The following HECTD4 variants were observed in gnomAD, a reference collection of about 807,000 sequenced individuals.
HECTD4 encodes the protein probable E3 ubiquitin-protein ligase HECTD4.
A neutral mutation model predicts 471.5 loss-of-function variants in HECTD4; 114 were observed. That is an observed-to-expected ratio of 0.24 (90% confidence interval 0.21 to 0.28). The LOEUF (loss-of-function observed/expected upper bound fraction) is 0.28. HECTD4 is among the 10% of genes least tolerant of loss of function. The pLI, the probability that HECTD4 is intolerant of heterozygous loss-of-function variation, is 1.00. For synonymous variants in HECTD4, 2,012 were observed against 2,256.0 expected (o/e 0.89, Z 3.07); for missense variants, 3,866 against 5,651.5 (o/e 0.68, Z 10.13).
In HECTD4 at chr12:112,162,622, T is replaced by TAGC; in HGVS notation, c.13121-102_13121-100dup. ...CTGCTTCCAGGTTTGCCTCCTTGGGTAGCCCCAAGCCAATCCTGGGGCCCA... is the reference window on the plus strand; with the variant it reads ...CTGCTTCCAGGTTTGCCTCCTTGGGTAGCAGCCCCAAGCCAATCCTGGGGCCCA... On this transcript the variant is annotated intron_variant, in intron 75 of 75. Coordinates refer to ENST00000682272, the MANE Select transcript of HECTD4 (RefSeq NM_001388303.1). The surrounding 1 kb of genome is among the most constrained non-coding windows in gnomAD (Gnocchi z 5.2). 2.1e-6 allele frequency: 3 copies of TAGC among 1,456,686 alleles called. No homozygotes were observed. The highest frequency in any genetic ancestry group is 2.8e-6 in the Non-Finnish European group (3 of 1,060,252). 90.2% of individuals were successfully genotyped at this position (1,456,686 alleles called of 1,614,324 possible).
chr12:112,235,132 A>T lies in HECTD4; in HGVS notation c.5860T>A (p.Phe1954Ile), dbSNP rs755586992. The change falls in exon 37 of 76, where the codon TTT becomes ATT. Residue 1954 changes from phenylalanine to isoleucine, a missense_variant. By Grantham distance (21) the Phe-to-Ile change is conservative (BLOSUM62 0). Transcript: ENST00000682272. This position sits in a 1 kb window ranked among gnomAD's most constrained non-coding sequence, Gnocchi z 5.0. The stretch of plus-strand genomic sequence containing the variant: ...GACTGGTCTTCCCGCTTGTGGATAA[A>T]TATCGAGAGCTTGCCATCCACAGCC... Reference protein sequence around the residue: ...SEAVDGKLSIFIHKREDQSSH... With the variant: ...SEAVDGKLSIIIHKREDQSSH... The T allele has an allele frequency of 6.2e-7, 1 of 1,609,730 alleles. No homozygotes were observed. Among genetic ancestry groups the T allele is most frequent in the South Asian group, 1.1e-5 (1 of 90,330 alleles).
At position 112,188,132 on chromosome 12, in the gene HECTD4, C is replaced by CA. The variant is rs915031885; in HGVS notation, c.9473-2640dup. On this transcript the variant is annotated intron_variant, in intron 60 of 75. Coordinates refer to ENST00000682272, the MANE Select transcript of HECTD4 (RefSeq NM_001388303.1). This position sits in a 1 kb window ranked among gnomAD's most constrained non-coding sequence, Gnocchi z 4.2. ...TGAAATCCTGTTTCTACTAAAAATA[C>CA]AAAAAAATTAGCTGGGCATGGTAGC... Among the ~76,000 whole-genome samples, 4 of 151,660 alleles carry CA rather than the reference C, an allele frequency of 2.6e-5. No individual in the cohort carries two copies. The highest frequency in any genetic ancestry group is 6.6e-5 in the Admixed American group (1 of 15,210).
Position 112,329,978 on chromosome 12 carries a change from C to A in HECTD4, c.178-10236G>T, listed in dbSNP as rs375572493. On this transcript the variant is annotated intron_variant, in intron 1 of 75. Coordinates refer to ENST00000682272, the MANE Select transcript of HECTD4 (RefSeq NM_001388303.1). ...TTTAATAAAAATATTTTTTAAAAATCAAAAATTTGGAGGACTAGCCGGGCG... is the reference window on the plus strand; with the variant it reads ...TTTAATAAAAATATTTTTTAAAAATAAAAAATTTGGAGGACTAGCCGGGCG... Among the ~76,000 whole-genome samples the A allele has an allele frequency of 7.9e-4, 119 of 151,578 alleles. 1 individual carries two copies. Among genetic ancestry groups the A allele is most frequent in the Non-Finnish European group, 1.4e-3 (96 of 67,910 alleles).
At chr12:112,169,771 C>T in intron 69 of HECTD4, 113 bp from the exon 70 acceptor site, 2 of 1,210,594 alleles carry the variant, frequency 1.7e-6, no homozygotes, top group Non-Finnish European at 2.4e-6. Flanking sequence ...ACCCCTGCTC[C>T]CTCGCTCGGC....
Position 112,248,446 on chromosome 12 carries a change from C to A in HECTD4, c.4017G>T (p.Leu1339Phe). The change falls in exon 26 of 76, where the codon TTG becomes TTT. Residue 1339 changes from leucine to phenylalanine, a missense_variant. By Grantham distance (22) the Leu-to-Phe change is conservative. This residue lies in a region of HECTD4 where 281 missense variants were observed against 499.9 expected (regional missense o/e 0.56). Transcript: ENST00000682272. The part of the protein sequence containing the change: ...VVSCVIKHLN[L>F]VDALQSLINF... ...TTATTAGAGACTGCAGTGCATCAAC[C>A]AAGTTCAAGTGCTTAATAACACAAG... The A allele has an allele frequency of 6.2e-7, 1 of 1,612,390 alleles. No homozygotes were observed. Among genetic ancestry groups the A allele is most frequent in the Non-Finnish European group, 8.5e-7 (1 of 1,179,074 alleles).
At chr12:112,254,607 C>A (rs946211255) in intron 21 of HECTD4, among the ~76,000 whole-genome samples, 2 of 151,584 alleles carry the variant, frequency 1.3e-5, no homozygotes, top group Non-Finnish European at 2.9e-5. Flanking sequence ...ATATCTAACA[C>A]AACAACAAAA....
At chr12:112,317,352 C>T (rs2035499800) in intron 2 of HECTD4, among the ~76,000 whole-genome samples, 2 of 152,052 alleles carry the variant, frequency 1.3e-5, no homozygotes, top group South Asian at 4.1e-4. Flanking sequence ...TGCCATTTTG[C>T]CTTAAAAAAA....
intron 1 of HECTD4, among the ~76,000 whole-genome samples, chr12:112,352,302 C>G (rs571254562): frequency 1.3e-5 from 2 of 150,842 alleles, no homozygotes; most frequent in South Asian, 4.2e-4. Context: ...TCATCCCAGT[C>G]TGGTTACCTT....
At chr12:112,380,771 C>T (rs1200530577) in intron 1 of HECTD4, among the ~76,000 whole-genome samples, 2 of 152,144 alleles carry the variant, frequency 1.3e-5, no homozygotes, top group African/African-American at 2.4e-5. Flanking sequence ...GGAACGTATT[C>T]GCATCTCAAG....
chr12:112,245,809 T>C (rs145900874), intron 29 of HECTD4, among the ~76,000 whole-genome samples: 13 of 152,358 alleles, frequency 8.5e-5, no homozygotes, highest in Non-Finnish European at 1.9e-4. Flanking sequence ...ATGATTTTCC[T>C]GAGAGATGCA....
chr12:112,180,177 G>A (rs919280549), intron 62 of HECTD4, among the ~76,000 whole-genome samples: 1 of 152,242 alleles, frequency 6.6e-6, no homozygotes, highest in Non-Finnish European at 1.5e-5. Context: ...GCATATCTGG[G>A]CTGAGGGTGG....
chr12:112,375,461 T>C (rs1382188943), intron 1 of HECTD4, among the ~76,000 whole-genome samples: 1 of 152,142 alleles, frequency 6.6e-6, no homozygotes. Flanking sequence ...AAATTTAAAA[T>C]GAACTTCAAC....
At chr12:112,210,833 A>G (rs928992806) in intron 49 of HECTD4, among the ~76,000 whole-genome samples, 10 of 152,264 alleles carry the variant, frequency 6.6e-5, no homozygotes, top group Admixed American at 3.3e-4. Flanking sequence ...GACAGAGATC[A>G]TATCTGTTTT....
chr12:112,378,641 AAAACTCTGTG>A (rs1339125449), intron 1 of HECTD4, among the ~76,000 whole-genome samples: 1 of 152,190 alleles, frequency 6.6e-6, no homozygotes, highest in Admixed American at 6.6e-5. Flanking sequence ...TATATATTAT[AAAACTCTGTG>A]GAAAATGGCC....
chr12:112,261,381 A>T lies in HECTD4; in HGVS notation c.2797T>A (p.Cys933Ser), dbSNP rs747667915. ...TGTAGCATTTCCAACACTTCATCACATCCAGTCAGGATTTGGGTGGCAAGA... is the reference window on the plus strand; with the variant it reads ...TGTAGCATTTCCAACACTTCATCACTTCCAGTCAGGATTTGGGTGGCAAGA... ...LALATQILTG[C>S]DEVLEMLQQV... The change falls in exon 18 of 76, where the codon TGT (cysteine) becomes AGT (serine). Residue 933 changes from cysteine to serine, a missense_variant. Cys to Ser is a moderately radical substitution (Grantham distance 112). Coordinates refer to ENST00000682272, the MANE Select transcript of HECTD4 (RefSeq NM_001388303.1). The T allele has an allele frequency of 9.3e-6, 15 of 1,611,410 alleles. No individual in the cohort carries two copies. The highest frequency in any genetic ancestry group is 1.3e-5 in the Non-Finnish European group (15 of 1,177,828).
chr12:112,236,928 G>T lies in HECTD4; in HGVS notation c.5444+17C>A. On this transcript the variant is annotated intron_variant, in intron 35 of 75. Coordinates refer to ENST00000682272, the MANE Select transcript of HECTD4 (RefSeq NM_001388303.1). ...AAAGCCAGCTTCTCCCAGAGCTCCA[G>T]GCTGGACCTTGCATACCTTGAGAGA... is the stretch of plus-strand genomic sequence containing the variant. The T allele has an allele frequency of 1.3e-6, 2 of 1,583,092 alleles. No individual in the cohort carries two copies.
rs1239059891 is a variant in HECTD4 at position 112,229,723 on chromosome 12, G to C, written c.6494C>G (p.Thr2165Arg). The C allele has an allele frequency of 6.2e-7, 1 of 1,613,682 alleles. No homozygotes were observed. The highest frequency in any genetic ancestry group is 8.5e-7 in the Non-Finnish European group (1 of 1,179,660). ...ALCALGGFKE[T>R]IKIGSEVQVL... ...CTGAACCTCGGATCCTATCTTGATT[G>C]TCTCTTTGAAGCCTCCAAGTGCACA... Residue 2165 changes from threonine (T) to arginine (R), a missense_variant, in exon 41 of 76, where the codon ACA (threonine) becomes AGA (arginine). Physicochemically the swap from Thr to Arg is moderately conservative, Grantham distance 71 (BLOSUM62 -1). Around this residue, in one of 16 missense-constraint regions of HECTD4, gnomAD observed 617 missense variants for 915.1 expected, o/e 0.67. Coordinates refer to ENST00000682272, the MANE Select transcript of HECTD4 (RefSeq NM_001388303.1).
intron 22 of HECTD4, 122 bp from the exon 23 acceptor site, chr12:112,252,650 C>G (rs2033918345): frequency 8.6e-7 from 1 of 1,163,668 alleles, no homozygotes; most frequent in Admixed American, 2.3e-5. Context: ...CTCCTTTTCT[C>G]ATTTGCTTTT....
chr12:112,251,758 G>GT (rs1006013973), intron 23 of HECTD4, among the ~76,000 whole-genome samples: 17 of 152,090 alleles, frequency 1.1e-4, no homozygotes, highest in African/African-American at 4.1e-4. Flanking sequence ...TAAGTACTCT[G>GT]TTTTTTGTTT....
Sources: allele counts gnomAD v4.1 joint callset (sites outside exome capture counted in the v4.1 genomes callset), GRCh38; gene constraint gnomAD v4.1.1; regional missense constraint gnomAD v4.1.1; non-coding constraint Gnocchi (gnomAD v3.1); transcripts MANE v1.5; gene names NCBI Gene and HGNC (gene_info 2026-07-23, HGNC 2026-07-21).